Variants in SLC8A1 observed in about 807,000 individuals in gnomAD.
SLC8A1 encodes the protein sodium/calcium exchanger 1.
Under a neutral mutation model 68.3 loss-of-function variants are expected in SLC8A1, and 18 were observed. The observed-to-expected ratio is 0.26, with a 90% CI of 0.18 to 0.39. SLC8A1 has a LOEUF of 0.39. Among genes scored for constraint, SLC8A1 ranks in the 10% least tolerant of loss-of-function variants. The pLI, the probability that SLC8A1 is intolerant of heterozygous loss-of-function variation, is 1.00. For synonymous variants in SLC8A1, 475 were observed against 415.5 expected, an observed-to-expected ratio of 1.14 and a Z score of -1.74; for missense variants, 985 against 1,156.7, an observed-to-expected ratio of 0.85 and a Z score of 2.15.
intron 2 of SLC8A1, among the ~76,000 whole-genome samples, chr2:40,294,741 T>C (rs1265451957): frequency 1.3e-5 from 2 of 152,182 alleles, no homozygotes; most frequent in African/African-American, 4.8e-5. Flanking sequence ...ATGCCTGGTT[T>C]TATAAAATAA....
intron 2 of SLC8A1, among the ~76,000 whole-genome samples, chr2:40,235,516 G>C (rs2060248433): frequency 6.6e-6 from 1 of 151,922 alleles, no homozygotes; most frequent in East Asian, 1.9e-4. Flanking sequence ...CTTGCTAGTG[G>C]TCTATCAATT....
chr2:40,243,591 T>TAAG (rs1444377188), intron 2 of SLC8A1, among the ~76,000 whole-genome samples: 2 of 152,212 alleles, frequency 1.3e-5, no homozygotes, highest in African/African-American at 4.8e-5. Flanking sequence ...TGTTTTAGAC[T>TAAG]AAGAAGTCTA....
At chr2:40,150,603 A>G (rs1003786202) in intron 6 of SLC8A1, among the ~76,000 whole-genome samples, 10 of 152,148 alleles carry the variant, frequency 6.6e-5, no homozygotes, top group African/African-American at 2.4e-4. Flanking sequence ...AGCTGCTGCC[A>G]CCCCAGACAA....
Position 40,149,994 on chromosome 2 carries a change from A to G in SLC8A1, c.2162-10318T>C, listed in dbSNP as rs1004143576. ...CAGCAGGAGCCTTGGGTTCTAAAAC[A>G]GTCTCTCTGTGATCTTGGAGGAGAC... On this transcript the variant is annotated intron_variant, in intron 6 of 7. Coordinates refer to ENST00000406785, the Ensembl canonical transcript of SLC8A1. Among the ~76,000 whole-genome samples the G allele has an allele frequency of 3.3e-5, 5 of 149,696 alleles. No individual in the cohort carries two copies. In the Admixed American group the frequency reaches 3.4e-4, roughly 10 times the overall value.
At chr2:40,364,760 C>A (rs1319269394) in intron 2 of SLC8A1, among the ~76,000 whole-genome samples, 1 of 152,036 alleles carries the variant, frequency 6.6e-6, no homozygotes, top group Non-Finnish European at 1.5e-5. Context: ...TCCTGGAAAG[C>A]CCTTACTTGT....
At chr2:40,201,417 C>G (rs905522869) in intron 2 of SLC8A1, among the ~76,000 whole-genome samples, 2 of 151,852 alleles carry the variant, frequency 1.3e-5, no homozygotes, top group Non-Finnish European at 2.9e-5. Context: ...TTACTCCAAA[C>G]CAGAGATTTT....
chr2:40,383,717 G>A (rs769810393), intron 2 of SLC8A1, among the ~76,000 whole-genome samples: 5 of 151,994 alleles, frequency 3.3e-5, no homozygotes, highest in Non-Finnish European at 7.4e-5. Flanking sequence ...TCCATTTGAT[G>A]GATTTTGTCA....
chr2:40,307,625 GA>G (rs1199300845), intron 2 of SLC8A1, among the ~76,000 whole-genome samples: 1 of 152,154 alleles, frequency 6.6e-6, no homozygotes, highest in East Asian at 1.9e-4. Flanking sequence ...TTTAGCATTA[GA>G]ATTTGGCTAA....
At chr2:40,485,678 A>G (rs1010467280) in intron 1 of SLC8A1, among the ~76,000 whole-genome samples, 12 of 152,252 alleles carry the variant, frequency 7.9e-5, no homozygotes, top group East Asian at 5.8e-4. Flanking sequence ...TAAATATTTT[A>G]TTCATTGATA....
At chr2:40,198,938 A>G (rs2053608964) in intron 2 of SLC8A1, among the ~76,000 whole-genome samples, 2 of 35,652 alleles carry the variant, frequency 5.6e-5, no homozygotes, top group East Asian at 3.6e-4. Flanking sequence ...TAATTTAAGG[A>G]AAAAAAAAAA....
At chr2:40,297,439 A>G (rs1362201496) in intron 2 of SLC8A1, among the ~76,000 whole-genome samples, 1 of 152,146 alleles carries the variant, frequency 6.6e-6, no homozygotes, top group Non-Finnish European at 1.5e-5. Context: ...AATCCTACCT[A>G]GATTTATCAT....
Position 40,497,454 on chromosome 2 carries a change from G to T in SLC8A1, c.-25+14895C>A, listed in dbSNP as rs182797375. Among the ~76,000 whole-genome samples, 604 of 152,114 alleles carry T rather than the reference G, an allele frequency of 4.0e-3. 2 individuals carry two copies. Among genetic ancestry groups the T allele is most frequent in the Non-Finnish European group, 6.3e-3 (427 of 67,984 alleles). On this transcript the variant is annotated intron_variant, in intron 1 of 7. Coordinates refer to the SLC8A1 transcript ENST00000402441. ...TGACAATATTAAGTACCATTACAGA[G>T]ATATCCACAGGGGGCAGTGGGAGCA...
chr2:40,257,383 G>GA (rs74377502), intron 2 of SLC8A1, among the ~76,000 whole-genome samples: 76,038 of 151,138 alleles, frequency 0.5, 22,504 homozygotes, highest in Non-Finnish European at 0.68. Flanking sequence ...TGAAACTCCT[G>GA]AAAAAATCAA....
chr2:40,282,986 G>A (rs780617044), intron 2 of SLC8A1, among the ~76,000 whole-genome samples: 3 of 152,076 alleles, frequency 2.0e-5, no homozygotes, highest in African/African-American at 7.2e-5. Context: ...TTCCTGAAAA[G>A]ACATGATTTT....
At chr2:40,283,077 T>G (rs956835651) in intron 2 of SLC8A1, among the ~76,000 whole-genome samples, 2 of 152,224 alleles carry the variant, frequency 1.3e-5, no homozygotes, top group African/African-American at 4.8e-5. Context: ...ACTATTCTAC[T>G]AGATTCCAAG....
chr2:40,190,337 C>T (rs1447666795), intron 2 of SLC8A1, among the ~76,000 whole-genome samples: 1 of 152,176 alleles, frequency 6.6e-6, no homozygotes, highest in Non-Finnish European at 1.5e-5. Context: ...CATACGCAAA[C>T]TGAGACTCAG....
At chr2:40,472,417 G>C (rs140401800) in intron 1 of SLC8A1, among the ~76,000 whole-genome samples, 1 of 152,174 alleles carries the variant, frequency 6.6e-6, no homozygotes, top group East Asian at 1.9e-4. Context: ...TAACATGTCT[G>C]AATTTTTAGA....
At chr2:40,481,912 A>T (rs1704652140) in intron 1 of SLC8A1, among the ~76,000 whole-genome samples, 1 of 152,158 alleles carries the variant, frequency 6.6e-6, no homozygotes, top group Non-Finnish European at 1.5e-5. Flanking sequence ...ATAGATCAAA[A>T]TTTGAATTTC....
chr2:40,499,046 A>G (rs1705888046), intron 1 of SLC8A1, among the ~76,000 whole-genome samples: 1 of 152,146 alleles, frequency 6.6e-6, no homozygotes, highest in Non-Finnish European at 1.5e-5. Context: ...TAGACTAAAG[A>G]AACTGGAGCC....
Sources: allele counts gnomAD v4.1 joint callset (sites outside exome capture counted in the v4.1 genomes callset), GRCh38; gene constraint gnomAD v4.1.1; transcripts MANE v1.5; gene names NCBI Gene and HGNC (gene_info 2026-07-23, HGNC 2026-07-21).